Variants in LAMA3 observed in about 807,000 individuals in gnomAD.
LAMA3 encodes laminin subunit alpha-3.
Under a neutral mutation model 402.0 loss-of-function variants are expected in LAMA3, and 281 were observed. The ratio of observed to expected loss-of-function variants is 0.70; its 90% CI spans 0.63 to 0.77. The LOEUF is 0.77. Ranked by LOEUF, LAMA3 falls within the 30% of genes least tolerant of loss-of-function variation. The pLI is 0.00. For synonymous variants in LAMA3, 1,431 were observed against 1,558.4 expected (o/e 0.92, Z 1.93); for missense variants, 3,840 against 4,215.5 (o/e 0.91, Z 2.47).
At chr18:23,882,103 G>A in intron 40 of LAMA3, 58 bp downstream of exon 40, 1 of 1,122,246 alleles carries the variant, frequency 8.9e-7, no homozygotes, top group South Asian at 1.3e-5. Flanking sequence ...TGGCTGCCTA[G>A]GACTAGGGGT....
chr18:23,805,854 G>T (rs1048379850), intron 12 of LAMA3, among the ~76,000 whole-genome samples: 1 of 152,282 alleles, frequency 6.6e-6, no homozygotes, highest in East Asian at 1.9e-4. Context: ...AATGTTTGGC[G>T]GTGGAGTGGA....
intron 7 of LAMA3, among the ~76,000 whole-genome samples, chr18:23,762,692 G>A (rs560585346): frequency 1.8e-4 from 28 of 151,988 alleles, no homozygotes; most frequent in African/African-American, 6.7e-4. Context: ...TTCCTTTGAA[G>A]ATATGATTAT....
chr18:23,763,580 A>G (rs372504620), intron 8 of LAMA3, 57 bp downstream of exon 8: 4 of 1,044,420 alleles, frequency 3.8e-6, no homozygotes, highest in African/African-American at 1.6e-5. Context: ...AGTATTCAGT[A>G]AGCTCTGCTC....
chr18:23,889,953 G>A (rs2080596200), intron 41 of LAMA3, 58 bp from the exon 42 acceptor site: 6 of 1,273,714 alleles, frequency 4.7e-6, no homozygotes, highest in Admixed American at 1.7e-5. Context: ...TGAGAAAATT[G>A]GTTGAGATAA....
chr18:23,732,513 TG>T (rs1026933718), intron 2 of LAMA3, among the ~76,000 whole-genome samples: 7 of 152,116 alleles, frequency 4.6e-5, no homozygotes, highest in Non-Finnish European at 1.0e-4. Flanking sequence ...ACATGGGTGC[TG>T]CAAAATCAGT....
rs1368443800 is a variant in LAMA3, at chr18:23,903,948, G to A, written c.6334G>A (p.Ala2112Thr). 6.2e-7 allele frequency: 1 copy of A among 1,612,902 alleles called. No homozygotes were observed. The highest frequency in any genetic ancestry group is 1.7e-5 in the Admixed American group (1 of 60,022). ...EKSQKEYEKL[A>T]ASLNEARQEL... ...GAAAAAATAGGAATATGAAAAATTA[G>A]CTGCCAGTTTAAATGAAGCAAGACA... The change falls in exon 50 of 75, where the codon GCT (alanine) becomes ACT (threonine). Residue 2112 changes from alanine (A) to threonine (T), a missense_variant. Ala to Thr is a moderately conservative substitution (Grantham distance 58, BLOSUM62 0). Coordinates refer to ENST00000313654, the MANE Select transcript of LAMA3 (RefSeq NM_198129.4).
chr18:23,900,428 G>A (rs2081034198), intron 47 of LAMA3, among the ~76,000 whole-genome samples: 1 of 152,130 alleles, frequency 6.6e-6, no homozygotes, highest in African/African-American at 2.4e-5. Flanking sequence ...GGTCAGATGT[G>A]GAATTTTCTA....
In LAMA3 at chr18:23,841,251, G is replaced by GA. The variant is rs1436046044; in HGVS notation, c.3337-1139dup. On this transcript the variant is annotated intron_variant, in intron 27 of 74. Coordinates refer to ENST00000313654, the MANE Select transcript of LAMA3 (RefSeq NM_198129.4). The stretch of plus-strand genomic sequence containing the variant: ...CCCCCCCGAGTCATGGGTCTCATCT[G>GA]AAAAATGAGGATGAGCTTTAGTTGT... Among the ~76,000 whole-genome samples the GA allele has an allele frequency of 1.4e-4, 22 of 152,312 alleles. No homozygotes were observed. In the East Asian group the frequency reaches 4.2e-3, roughly 29 times the overall value.
chr18:23,792,796 A>G (rs2062685284), intron 12 of LAMA3, among the ~76,000 whole-genome samples: 2 of 152,146 alleles, frequency 1.3e-5, no homozygotes, highest in Non-Finnish European at 2.9e-5. Flanking sequence ...ACAGCCAAAT[A>G]TGGGGGAATC....
chr18:23,954,849 T>C lies in LAMA3; in HGVS notation c.*201T>C, dbSNP rs1217420366. 9 of 591,530 alleles carry C rather than the reference T, an allele frequency of 1.5e-5. No individual in the cohort carries two copies. Among genetic ancestry groups the C allele is most frequent in the African/African-American group, 1.1e-4 (6 of 53,770 alleles). 36.6% of individuals were successfully genotyped at this position (591,530 alleles called of 1,614,324 possible). A position where few individuals can be genotyped will look rare whatever the true frequency, so the allele number is the denominator to read the frequency against. ...ATGTGTATTTTATATAAAAATCCCATTTCTTGAAGATAAAAAAATTGTTAT... is the reference window on the plus strand; with the variant it reads ...ATGTGTATTTTATATAAAAATCCCACTTCTTGAAGATAAAAAAATTGTTAT... On this transcript the variant is annotated 3_prime_UTR_variant, in exon 75 of 75. Coordinates refer to ENST00000313654, the MANE Select transcript of LAMA3 (RefSeq NM_198129.4).
chr18:23,912,901 C>A lies in LAMA3; in HGVS notation c.7329+20C>A. 1 of 1,607,044 alleles carries A rather than the reference C, an allele frequency of 6.2e-7. No individual in the cohort carries two copies. Among genetic ancestry groups the A allele is most frequent in the Non-Finnish European group, 8.5e-7 (1 of 1,174,944 alleles). Reference sequence around the variant, plus strand: ...AAAGATGTAAGTATTGCTTGGACATCTCTCTTGTTTTTGAAACAATGTTTT... The same window carrying A: ...AAAGATGTAAGTATTGCTTGGACATATCTCTTGTTTTTGAAACAATGTTTT... On this transcript the variant is annotated intron_variant, in intron 56 of 74. Coordinates refer to ENST00000313654, the MANE Select transcript of LAMA3 (RefSeq NM_198129.4).
chr18:23,915,945 G>A (rs1054498774), intron 59 of LAMA3, among the ~76,000 whole-genome samples: 3 of 139,956 alleles, frequency 2.1e-5, no homozygotes, highest in African/African-American at 8.4e-5. Context: ...GGTCAAGGTT[G>A]CAATGAGCCA....
At position 23,836,951 on chromosome 18, in the gene LAMA3, A is replaced by C. The variant is rs372344989; in HGVS notation, c.2985-30A>C. 1.3e-5 allele frequency: 20 copies of C among 1,537,414 alleles called. No homozygotes were observed. The African/African-American group carries it at 2.3e-4, about 18-fold the overall frequency. On this transcript the variant is annotated intron_variant, in intron 24 of 74. Coordinates refer to ENST00000313654, the MANE Select transcript of LAMA3 (RefSeq NM_198129.4). The stretch of plus-strand genomic sequence containing the variant: ...CAGAATGAGGGAGATGCCGGGAGTC[A>C]GGCTAAGAAAACTCTGTTTTCTCTT...
intron 70 of LAMA3, 75 bp downstream of exon 70, chr18:23,946,359 A>C (rs2082714202): frequency 7.1e-7 from 1 of 1,406,968 alleles, no homozygotes; most frequent in South Asian, 1.2e-5. Flanking sequence ...TGAGATATTC[A>C]AAATACTCAC....
At chr18:23,753,447 C>CTATA (rs1300105457) in intron 5 of LAMA3, among the ~76,000 whole-genome samples, 1 of 152,116 alleles carries the variant, frequency 6.6e-6, no homozygotes, top group Admixed American at 6.5e-5. Context: ...GATCCCTTTC[C>CTATA]TATAGGCTAT....
chr18:23,862,136 C>T (rs2064239263), intron 35 of LAMA3, among the ~76,000 whole-genome samples: 1 of 152,200 alleles, frequency 6.6e-6, no homozygotes, highest in Non-Finnish European at 1.5e-5. Flanking sequence ...GACATGCGTG[C>T]TTTTAAATGC....
chr18:23,689,520 C>T lies in LAMA3; in HGVS notation c.-164C>T. On this transcript the variant is annotated 5_prime_UTR_variant, in exon 1 of 75. Transcript: ENST00000313654. ...CCAGAGCTGAGAGGCCACCCCCACG[C>T]CGCGGGCTTCCAGCGCGTGGAGCAA... 1.6e-6 allele frequency: 1 copy of T among 607,398 alleles called. No homozygotes were observed. The highest frequency in any genetic ancestry group is 2.4e-6 in the Non-Finnish European group (1 of 424,098). The allele number at this position is 607,398 out of a possible 1,614,324, so 37.6% of individuals were successfully genotyped here.
chr18:23,904,790 A>T (rs922211563), intron 51 of LAMA3, 96 bp downstream of exon 51: 2 of 1,305,050 alleles, frequency 1.5e-6, no homozygotes, highest in East Asian at 4.9e-5. Context: ...GAAACAAAGC[A>T]TTATTTTAAA....
intron 56 of LAMA3, among the ~76,000 whole-genome samples, chr18:23,913,585 A>G (rs2081509159): frequency 6.6e-6 from 1 of 152,222 alleles, no homozygotes; most frequent in Non-Finnish European, 1.5e-5. Flanking sequence ...GTTGGAAGAA[A>G]AATGCTTGAA....
Sources: gnomAD v4.1 joint callset for allele counts (sites outside exome capture counted in the v4.1 genomes callset) on GRCh38, gnomAD v4.1.1 for gene constraint, MANE v1.5 for transcripts, NCBI Gene and HGNC (gene_info 2026-07-23, HGNC 2026-07-21) for gene names.